Variants in EPHA6 observed in about 807,000 individuals in gnomAD.
EPHA6 encodes EPH receptor A6, also known as ephrin type-A receptor 6.
In EPHA6, 50 loss-of-function variants were observed where a neutral mutation model predicts 112.0. The observed-to-expected ratio is 0.45, with a 90% CI of 0.36 to 0.56. EPHA6 has a LOEUF of 0.56. Ranked by LOEUF, EPHA6 falls within the 20% of genes least tolerant of loss-of-function variation. The pLI, the probability that EPHA6 is intolerant of heterozygous loss-of-function variation, is 0.00. For synonymous variants in EPHA6, 529 were observed against 490.7 expected, an observed-to-expected ratio of 1.08 and a Z score of -1.03; for missense variants, 1,280 against 1,417.4, an observed-to-expected ratio of 0.90 and a Z score of 1.56.
intron 5 of EPHA6, among the ~76,000 whole-genome samples, chr3:97,260,249 CAG>C (rs1366755102): frequency 6.6e-6 from 1 of 152,210 alleles, no homozygotes; most frequent in Admixed American, 6.5e-5. Context: ...GTTGCCCTAA[CAG>C]AGTGTGGAGC....
chr3:97,355,187 G>A (rs1285623280), intron 5 of EPHA6, among the ~76,000 whole-genome samples: 1 of 152,038 alleles, frequency 6.6e-6, no homozygotes, highest in Non-Finnish European at 1.5e-5. Context: ...AAGACTCAGC[G>A]GTAATAGTAG....
At chr3:97,552,867 A>G (rs1423606779) in intron 11 of EPHA6, among the ~76,000 whole-genome samples, 1 of 152,112 alleles carries the variant, frequency 6.6e-6, no homozygotes, top group Non-Finnish European at 1.5e-5. Flanking sequence ...TCATAACAAT[A>G]TTTTTCTTCT....
intron 11 of EPHA6, among the ~76,000 whole-genome samples, chr3:97,567,667 G>A (rs544717973): frequency 6.6e-6 from 1 of 152,274 alleles, no homozygotes; most frequent in South Asian, 2.1e-4. Context: ...ACACAGGGTA[G>A]AGATCGAGGC....
intron 5 of EPHA6, among the ~76,000 whole-genome samples, chr3:97,311,046 G>T (rs577591703): frequency 6.6e-6 from 1 of 151,592 alleles, no homozygotes; most frequent in Admixed American, 6.6e-5. Flanking sequence ...GGTATTAGGT[G>T]CCATGGGACT....
chr3:97,200,902 A>G (rs2108497281), intron 3 of EPHA6, among the ~76,000 whole-genome samples: 1 of 152,256 alleles, frequency 6.6e-6, no homozygotes, highest in African/African-American at 2.4e-5. Context: ...TGAAAATGTG[A>G]TAGTTCTTTG....
At chr3:97,007,863 A>T in intron 3 of EPHA6, among the ~76,000 whole-genome samples, 1 of 152,166 alleles carries the variant, frequency 6.6e-6, no homozygotes, top group Admixed American at 6.5e-5. Context: ...TGCTTAAGAA[A>T]CTTAGTTTGG....
chr3:96,900,734 A>G (rs1370336875), intron 2 of EPHA6, among the ~76,000 whole-genome samples: 1 of 152,262 alleles, frequency 6.6e-6, no homozygotes, highest in East Asian at 1.9e-4. Context: ...TGCCAATGCG[A>G]TTAAGCACCC....
At chr3:97,090,640 A>G (rs1402758611) in intron 3 of EPHA6, among the ~76,000 whole-genome samples, 2 of 152,072 alleles carry the variant, frequency 1.3e-5, no homozygotes, top group Non-Finnish European at 1.5e-5. Context: ...AGAAACACCT[A>G]TTTACAGTGT....
At chr3:96,970,351 G>A (rs571639409) in intron 2 of EPHA6, among the ~76,000 whole-genome samples, 1 of 151,952 alleles carries the variant, frequency 6.6e-6, no homozygotes, top group East Asian at 1.9e-4. Context: ...ACTTATAATT[G>A]TGTGCACTAG....
intron 6 of EPHA6, among the ~76,000 whole-genome samples, chr3:97,437,870 C>A (rs1398201768): frequency 6.6e-6 from 1 of 151,910 alleles, no homozygotes; most frequent in African/African-American, 2.4e-5. Flanking sequence ...TTTATCTATC[C>A]TCAGTAGTCC....
chr3:96,982,929 A>C (rs1277056611), intron 2 of EPHA6, among the ~76,000 whole-genome samples: 1 of 151,774 alleles, frequency 6.6e-6, no homozygotes, highest in Non-Finnish European at 1.5e-5. Context: ...CCATCCTTTT[A>C]TTTTGAGCCT....
chr3:97,128,180 A>C (rs2048235511), intron 3 of EPHA6, among the ~76,000 whole-genome samples: 1 of 152,182 alleles, frequency 6.6e-6, no homozygotes, highest in South Asian at 2.1e-4. Context: ...TTGCTGCAAA[A>C]GGCATGATTT....
chr3:96,853,341 G>C (rs2035508067), intron 1 of EPHA6, among the ~76,000 whole-genome samples: 1 of 152,070 alleles, frequency 6.6e-6, no homozygotes, highest in South Asian at 2.1e-4. Context: ...CAAGATGGAA[G>C]TGTCTAATCA....
At chr3:97,329,088 T>C (rs1320931798) in intron 5 of EPHA6, among the ~76,000 whole-genome samples, 1 of 152,158 alleles carries the variant, frequency 6.6e-6, no homozygotes, top group Non-Finnish European at 1.5e-5. Context: ...GTCCTTGCGA[T>C]AGTTTGCTGA....
At chr3:97,527,119 A>G (rs924388391) in intron 10 of EPHA6, among the ~76,000 whole-genome samples, 2 of 152,180 alleles carry the variant, frequency 1.3e-5, no homozygotes, top group Admixed American at 6.5e-5. Context: ...AACTGATGGC[A>G]AGAAGCAGAT....
chr3:97,407,264 T>C (rs2087411269), intron 6 of EPHA6, among the ~76,000 whole-genome samples: 1 of 152,016 alleles, frequency 6.6e-6, no homozygotes, highest in South Asian at 2.1e-4. Flanking sequence ...TGTTTGTGTA[T>C]GTACTGTTAT....
chr3:97,217,016 A>T (rs2078052938), intron 3 of EPHA6, among the ~76,000 whole-genome samples: 1 of 152,214 alleles, frequency 6.6e-6, no homozygotes, highest in Admixed American at 6.5e-5. Context: ...AAGACATGAG[A>T]CATCAGATAA....
At position 96,901,716 on chromosome 3, in the gene EPHA6, C is replaced by A. The variant is rs552704498; in HGVS notation, c.450+34827C>A. Among the ~76,000 whole-genome samples, 6 of 152,110 alleles carry A rather than the reference C, an allele frequency of 3.9e-5. No individual in the cohort carries two copies. In the East Asian group the frequency reaches 9.6e-4, roughly 24 times the overall value. Reference sequence around the variant, plus strand: ...ACAAAATTACTGTTGCCAAGGAGAACAAAGAGGATCCCTGCTTCATTTTCT... The same window carrying A: ...ACAAAATTACTGTTGCCAAGGAGAAAAAAGAGGATCCCTGCTTCATTTTCT... On this transcript the variant is annotated intron_variant, in intron 2 of 17. Coordinates refer to ENST00000389672, the MANE Select transcript of EPHA6 (RefSeq NM_001080448.3).
At chr3:97,742,332 G>A (rs1357727770) in intron 16 of EPHA6, among the ~76,000 whole-genome samples, 2 of 152,046 alleles carry the variant, frequency 1.3e-5, no homozygotes, top group Non-Finnish European at 2.9e-5. Context: ...TTTTCTTAAG[G>A]TTCAGGGGTC....
Sources: allele counts gnomAD v4.1 joint callset (sites outside exome capture counted in the v4.1 genomes callset), GRCh38; gene constraint gnomAD v4.1.1; transcripts MANE v1.5; gene names NCBI Gene and HGNC (gene_info 2026-07-23, HGNC 2026-07-21).